Variants in TMCO4 observed in about 807,000 individuals in gnomAD.
TMCO4 encodes the protein transmembrane and coiled-coil domains 4.
Under a neutral mutation model 64.7 loss-of-function variants are expected in TMCO4, and 58 were observed. The observed-to-expected ratio is 0.90, with a 90% CI of 0.73 to 1.12. The LOEUF is 1.12. TMCO4 is among the 50% of genes most tolerant of loss of function. The pLI is 0.00. For synonymous variants in TMCO4, 325 were observed against 346.1 expected (o/e 0.94, Z 0.68); for missense variants, 780 against 825.9 (o/e 0.94, Z 0.68).
rs1028980700 is a variant in TMCO4, at chr1:19,743,807, A to T, written c.877+1725T>A. The stretch of plus-strand genomic sequence containing the variant: ...CCTGGGTTTGAATTGTGCATCTGCT[A>T]CTCCCCTGCCAGGGTTCCTCTTCCA... On this transcript the variant is annotated intron_variant, in intron 10 of 15. Transcript: ENST00000294543. This position sits in a 1 kb window ranked among gnomAD's most constrained non-coding sequence, Gnocchi z 4.1. Among the ~76,000 whole-genome samples the T allele has an allele frequency of 2.4e-4, 36 of 151,898 alleles. No individual in the cohort carries two copies. Among genetic ancestry groups the T allele is most frequent in the African/African-American group, 8.0e-4 (33 of 41,338 alleles).
chr1:19,708,063 ACACAGAGC>A (rs1336453051), intron 13 of TMCO4, among the ~76,000 whole-genome samples: 3 of 152,122 alleles, frequency 2.0e-5, no homozygotes, highest in Admixed American at 2.0e-4. Flanking sequence ...TTGGGTGGGG[ACACAGAGC>A]CAAACCATAT....
intron 13 of TMCO4, among the ~76,000 whole-genome samples, chr1:19,712,222 C>A (rs1185027053): frequency 6.6e-6 from 1 of 152,216 alleles, no homozygotes; most frequent in African/African-American, 2.4e-5. Context: ...ACACACACAA[C>A]ATTTACTAAG....
intron 4 of TMCO4, 68 bp from the exon 5 acceptor site, chr1:19,771,550 T>C (rs931136992): frequency 9.2e-6 from 14 of 1,515,942 alleles, no homozygotes; most frequent in Non-Finnish European, 1.2e-5. Flanking sequence ...CAGTGTAGAT[T>C]AGTTGTGGTC....
intron 14 of TMCO4, among the ~76,000 whole-genome samples, chr1:19,700,032 G>C (rs1459879949): frequency 6.6e-6 from 1 of 152,140 alleles, no homozygotes; most frequent in Admixed American, 6.5e-5. Context: ...CTGAAAACAC[G>C]TTTGCTTCAT....
rs950432771 is a variant in TMCO4, at chr1:19,700,227, C to T, written c.1382+541G>A. Among the ~76,000 whole-genome samples, 26 of 152,272 alleles carry T rather than the reference C, an allele frequency of 1.7e-4. 1 individual carries two copies. Among genetic ancestry groups the T allele is most frequent in the Middle Eastern group, 3.4e-3 (1 of 294 alleles). ...TGCAGCCGCCAGCCTTCACGGGCCCCCTCCTCTGGCTGGAGGGTCTGTCAC... is the reference window on the plus strand; with the variant it reads ...TGCAGCCGCCAGCCTTCACGGGCCCTCTCCTCTGGCTGGAGGGTCTGTCAC... On this transcript the variant is annotated intron_variant, in intron 14 of 15. Coordinates refer to ENST00000294543, the MANE Select transcript of TMCO4 (RefSeq NM_181719.7).
At chr1:19,694,866 CTGAA>C (rs906769528) in intron 14 of TMCO4, among the ~76,000 whole-genome samples, 2 of 152,318 alleles carry the variant, frequency 1.3e-5, no homozygotes, top group East Asian at 3.9e-4. Context: ...GGAATATCTG[CTGAA>C]TGAATGAATG....
rs555240788 is a variant in TMCO4, at chr1:19,743,679, G to A, written c.877+1853C>T. On this transcript the variant is annotated intron_variant, in intron 10 of 15. Transcript: ENST00000294543. This position sits in a 1 kb window ranked among gnomAD's most constrained non-coding sequence, Gnocchi z 4.1. ...AAGAAAGGAGTTTGCTTTCCATGCC[G>A]GCCAGACTTGCAAATTCCTTTACCT... Among the ~76,000 whole-genome samples the A allele has an allele frequency of 2.0e-4, 31 of 152,248 alleles. No homozygotes were observed. The highest frequency in any genetic ancestry group is 2.9e-4 in the Non-Finnish European group (20 of 68,008).
At chr1:19,714,751 C>G (rs534108124) in intron 13 of TMCO4, among the ~76,000 whole-genome samples, 3 of 151,956 alleles carry the variant, frequency 2.0e-5, no homozygotes, top group African/African-American at 7.3e-5. Context: ...GGTGAAACCC[C>G]GTCTCTATTA....
chr1:19,799,758 T>A (rs865801053), intron 1 of TMCO4, 97 bp downstream of exon 1: 1 of 152,014 alleles, frequency 6.6e-6, no homozygotes, highest in African/African-American at 2.4e-5. Context: ...GCCCCGGGGC[T>A]GGGCCGGGCT....
chr1:19,682,978 G>T lies in TMCO4; in HGVS notation c.*62C>A, dbSNP rs6701531. 19 of 1,515,366 alleles carry T rather than the reference G, an allele frequency of 1.3e-5. No homozygotes were observed. The East Asian group carries it at 4.1e-4, about 33-fold the overall frequency. 93.9% of individuals were successfully genotyped at this position (1,515,366 alleles called of 1,614,324 possible). ...CCTCCAGAGCTCCTGGGAGGAACCC[G>T]AGGGTATAAGAGAGAGCTGCATATG... On this transcript the variant is annotated 3_prime_UTR_variant, in exon 16 of 16. Coordinates refer to ENST00000294543, the MANE Select transcript of TMCO4 (RefSeq NM_181719.7).
intron 10 of TMCO4, 79 bp from the exon 11 acceptor site, chr1:19,741,020 AC>A: frequency 7.0e-7 from 1 of 1,421,036 alleles, no homozygotes; most frequent in Non-Finnish European, 9.4e-7. Flanking sequence ...GACAAGGAGC[AC>A]CAGGACCACT....
intron 6 of TMCO4, among the ~76,000 whole-genome samples, chr1:19,765,598 G>A (rs2042701015): frequency 6.6e-6 from 1 of 152,116 alleles, no homozygotes; most frequent in Non-Finnish European, 1.5e-5. Flanking sequence ...TCAATTGTGT[G>A]GAGGTTGAGA....
chr1:19,684,058 G>C (rs1356545992), intron 15 of TMCO4, among the ~76,000 whole-genome samples: 1 of 134,436 alleles, frequency 7.4e-6, no homozygotes, highest in Non-Finnish European at 1.5e-5. Flanking sequence ...CACTGTGCCC[G>C]GCAGCTTTTT....
intron 13 of TMCO4, among the ~76,000 whole-genome samples, chr1:19,716,171 A>T (rs974854953): frequency 1.4e-5 from 2 of 147,564 alleles, no homozygotes; most frequent in Non-Finnish European, 3.0e-5. Flanking sequence ...TTATTTTATT[A>T]TTATTATTAT....
intron 13 of TMCO4, among the ~76,000 whole-genome samples, chr1:19,726,463 T>C (rs2095409155): frequency 7.0e-6 from 1 of 143,318 alleles, no homozygotes; most frequent in African/African-American, 2.6e-5. Context: ...GACTCTGTCT[T>C]AAAAAAAAAA....
chr1:19,797,655 G>C, intron 2 of TMCO4, among the ~76,000 whole-genome samples: 1 of 152,092 alleles, frequency 6.6e-6, no homozygotes, highest in East Asian at 1.9e-4. Context: ...CAGATCACGA[G>C]GTCAGGAGTT....
chr1:19,775,393 T>C (rs1166870811), intron 4 of TMCO4, among the ~76,000 whole-genome samples: 1 of 152,178 alleles, frequency 6.6e-6, no homozygotes, highest in Non-Finnish European at 1.5e-5. Flanking sequence ...GCTGGTTAAA[T>C]GTCTTCTCAA....
At chr1:19,687,544 G>C (rs1299406992) in intron 15 of TMCO4, among the ~76,000 whole-genome samples, 1 of 152,148 alleles carries the variant, frequency 6.6e-6, no homozygotes. Flanking sequence ...CCTACGAGTG[G>C]GGGATGGAGA....
chr1:19,770,913 A>G (rs962603572), intron 5 of TMCO4, among the ~76,000 whole-genome samples: 6 of 152,238 alleles, frequency 3.9e-5, no homozygotes, highest in Non-Finnish European at 7.3e-5. Flanking sequence ...GAGGTGCCAC[A>G]GCTTAGAAGA....
Sources: allele counts gnomAD v4.1 joint callset (sites outside exome capture counted in the v4.1 genomes callset), GRCh38; gene constraint gnomAD v4.1.1; non-coding constraint Gnocchi (gnomAD v3.1); transcripts MANE v1.5; gene names NCBI Gene and HGNC (gene_info 2026-07-23, HGNC 2026-07-21).